The following TMEM63C variants were observed in gnomAD, a reference collection of about 807,000 sequenced individuals.
TMEM63C encodes the protein osmosensitive cation channel TMEM63C.
Under a neutral mutation model 99.2 loss-of-function variants are expected in TMEM63C, and 32 were observed. The ratio of observed to expected loss-of-function variants is 0.32; its 90% CI spans 0.24 to 0.43. TMEM63C has a LOEUF of 0.43. Ranked by LOEUF, TMEM63C falls within the 20% of genes least tolerant of loss-of-function variation. TMEM63C has a pLI of 1.00. For missense variants in TMEM63C, 826 were observed against 1,053.0 expected (o/e 0.78, Z 2.98); for synonymous variants, 376 against 397.9 (o/e 0.94, Z 0.66).
Position 77,248,462 on chromosome 14 carries a change from C to T in TMEM63C, c.1717C>T (p.Arg573Cys), listed in dbSNP as rs201638419. The T allele has an allele frequency of 2.5e-5, 40 of 1,593,714 alleles. No individual in the cohort carries two copies. The highest frequency in any genetic ancestry group is 2.1e-4 in the East Asian group (9 of 43,736). The change falls in exon 19 of 24, where the codon CGC becomes TGC. Residue 573 changes from arginine to cysteine, a missense_variant. Coordinates refer to ENST00000298351, the MANE Select transcript of TMEM63C (RefSeq NM_020431.4). ...RLGSLFCYSTRLFFSRSEPER... is the reference protein window; with the variant it reads ...RLGSLFCYSTCLFFSRSEPER... ...GGGGTCACTCTTCTGCTACAGCACC[C>T]GCCTCTTCTTCTCTAGATCAGAGCC... is the stretch of plus-strand genomic sequence containing the variant.
At chr14:77,183,675 A>G (rs1887949878) in intron 1 of TMEM63C, among the ~76,000 whole-genome samples, 2 of 152,178 alleles carry the variant, frequency 1.3e-5, no homozygotes, top group South Asian at 4.1e-4. Flanking sequence ...TGCCTGGCTC[A>G]TGAATTGCTC....
chr14:77,251,973 C>A, intron 22 of TMEM63C, 75 bp downstream of exon 22: 2 of 1,207,992 alleles, frequency 1.7e-6, no homozygotes, highest in South Asian at 2.4e-5. Context: ...CTCTCCAGGT[C>A]TGGGCTCCCA....
Position 77,219,507 on chromosome 14 carries a change from G to A in TMEM63C, c.160G>A (p.Val54Met), listed in dbSNP as rs1273433813. 1.2e-6 allele frequency: 2 copies of A among 1,613,954 alleles called. No homozygotes were observed. The highest frequency in any genetic ancestry group is 1.7e-6 in the Non-Finnish European group (2 of 1,179,890). ...LNIALWVLVL[V>M]VYSFLRKAAW... ...TTTTCCTGGCCTGTAGCTCGTCCTT[G>A]TGGTTTACTCCTTCCTCCGGAAAGC... is the stretch of plus-strand genomic sequence containing the variant. The change falls in exon 4 of 24, where the codon GTG becomes ATG. Residue 54 changes from valine to methionine, a missense_variant. By Grantham distance (21) the Val-to-Met change is conservative. Transcript: ENST00000298351.
At chr14:77,194,543 T>TTCTG (rs1555346141) in intron 1 of TMEM63C, among the ~76,000 whole-genome samples, 1 of 22,790 alleles carries the variant, frequency 4.4e-5, no homozygotes, top group South Asian at 2.0e-3. Flanking sequence ...CTTTCTTTCT[T>TTCTG]TCTTTCTTTC....
rs763300906 is a variant in TMEM63C, at chr14:77,218,886, T to C, written c.73T>C (p.Ser25Pro). 6.9e-5 allele frequency: 111 copies of C among 1,613,332 alleles called. No homozygotes were observed. Among genetic ancestry groups the C allele is most frequent in the Non-Finnish European group, 9.2e-5 (109 of 1,179,694 alleles). ...CATGACAGTGGATGAATGCTTCCAG[T>C]CTCGGAACACCGTCCTCCAGGGGCA... is the stretch of plus-strand genomic sequence containing the variant. ...QNMTVDECFQ[S>P]RNTVLQGQPF... Residue 25 changes from serine to proline, a missense_variant, in exon 3 of 24, where the codon TCT becomes CCT. Physicochemically the swap from Ser to Pro is moderately conservative, Grantham distance 74. Coordinates refer to ENST00000298351, the MANE Select transcript of TMEM63C (RefSeq NM_020431.4).
intron 20 of TMEM63C, 90 bp from the exon 21 acceptor site, chr14:77,249,201 A>C: frequency 7.3e-7 from 1 of 1,374,068 alleles, no homozygotes; most frequent in Non-Finnish European, 1.0e-6. Flanking sequence ...ACAGCCGTGG[A>C]TCTGGCTTCT....
intron 1 of TMEM63C, among the ~76,000 whole-genome samples, chr14:77,193,829 C>T (rs377107721): frequency 7.3e-6 from 1 of 137,306 alleles, no homozygotes; most frequent in African/African-American, 2.9e-5. Flanking sequence ...AGCGAAACTC[C>T]GTCTCAAAAA....
At chr14:77,224,243 C>T (rs1042100895) in intron 5 of TMEM63C, among the ~76,000 whole-genome samples, 3 of 151,924 alleles carry the variant, frequency 2.0e-5, no homozygotes, top group African/African-American at 4.8e-5. Context: ...AAGGAAGCAA[C>T]GAGGACAGGC....
At chr14:77,190,950 A>C (rs143432702) in intron 1 of TMEM63C, among the ~76,000 whole-genome samples, 10 of 152,324 alleles carry the variant, frequency 6.6e-5, no homozygotes, top group African/African-American at 2.2e-4. Flanking sequence ...AGACGGTAAG[A>C]TTGCCAACCT....
At position 77,249,425 on chromosome 14, in the gene TMEM63C, T is replaced by G; in HGVS notation, c.2005T>G (p.Phe669Val). The part of the protein sequence containing the change: ...QAIFAPLLGL[F>V]WMLFFSILRL... ...CATCTTTGCGCCACTCTTGGGTCTG[T>G]TCTGGATGCTGTTCTTCTCCATCCT... is the stretch of plus-strand genomic sequence containing the variant. Residue 669 changes from phenylalanine (F) to valine (V), a missense_variant, in exon 21 of 24, where the codon TTC (phenylalanine) becomes GTC (valine). Physicochemically the swap from Phe to Val is conservative, Grantham distance 50. Coordinates refer to ENST00000298351, the MANE Select transcript of TMEM63C (RefSeq NM_020431.4). 6.2e-7 allele frequency: 1 copy of G among 1,614,042 alleles called. No homozygotes were observed. Among genetic ancestry groups the G allele is most frequent in the Non-Finnish European group, 8.5e-7 (1 of 1,179,902 alleles).
intron 10 of TMEM63C, 60 bp from the exon 11 acceptor site, chr14:77,239,352 G>T (rs1889115376): frequency 1.3e-6 from 2 of 1,567,716 alleles, no homozygotes; most frequent in Non-Finnish European, 8.8e-7. Context: ...TGGGCAGGGG[G>T]TAGGGGCAGC....
At chr14:77,221,870 G>A (rs1478769315) in intron 5 of TMEM63C, among the ~76,000 whole-genome samples, 1 of 151,650 alleles carries the variant, frequency 6.6e-6, no homozygotes, top group African/African-American at 2.4e-5. Context: ...TCTTGCACAG[G>A]TGCTCTCCGT....
chr14:77,240,755 A>G (rs1222631687), intron 13 of TMEM63C, 147 bp downstream of exon 13: 1 of 1,070,316 alleles, frequency 9.3e-7, no homozygotes, highest in African/African-American at 1.6e-5. Flanking sequence ...TCTCCAGTGG[A>G]TGAGATGGCC....
In TMEM63C at chr14:77,239,237, A is replaced by G. The variant is rs80282491; in HGVS notation, c.726-175A>G. Among the ~76,000 whole-genome samples, 503 of 152,294 alleles carry G rather than the reference A, an allele frequency of 3.3e-3. 4 individuals are homozygous for G. The highest frequency in any genetic ancestry group is 0.011 in the African/African-American group (469 of 41,556). On this transcript the variant is annotated intron_variant, in intron 10 of 23. Transcript: ENST00000298351. ...GTAGGAAGGATTTGGCAGCTCTCAGATTGCCAAGGTTCAAACCCTGAGGTT... is the reference window on the plus strand; with the variant it reads ...GTAGGAAGGATTTGGCAGCTCTCAGGTTGCCAAGGTTCAAACCCTGAGGTT...
chr14:77,211,035 G>T (rs1306340720), intron 1 of TMEM63C, among the ~76,000 whole-genome samples: 5 of 152,202 alleles, frequency 3.3e-5, no homozygotes, highest in Non-Finnish European at 7.3e-5. Context: ...TGGGCCCTGG[G>T]CTGTGCTGGG....
intron 6 of TMEM63C, among the ~76,000 whole-genome samples, chr14:77,229,818 A>T (rs1434835835): frequency 2.6e-5 from 4 of 152,028 alleles, no homozygotes; most frequent in Non-Finnish European, 5.9e-5. Context: ...CTTCTTTTTC[A>T]TATTTTCCAA....
At chr14:77,203,207 G>C (rs923121156) in intron 1 of TMEM63C, among the ~76,000 whole-genome samples, 3 of 151,906 alleles carry the variant, frequency 2.0e-5, no homozygotes, top group African/African-American at 7.3e-5. Flanking sequence ...GTGAAACCCT[G>C]TCTCTACTAA....
chr14:77,231,781 C>G (rs1432420309), intron 7 of TMEM63C, 51 bp downstream of exon 7: 5 of 1,544,410 alleles, frequency 3.2e-6, no homozygotes, highest in Non-Finnish European at 4.4e-6. Context: ...TGAGAGGCAG[C>G]CAGGCAAGCC....
At chr14:77,246,073 G>T (rs1889264530) in intron 17 of TMEM63C, 47 bp downstream of exon 17, 2 of 1,443,564 alleles carry the variant, frequency 1.4e-6, no homozygotes, top group South Asian at 1.1e-5. Flanking sequence ...GGCTCTCTTA[G>T]AGTTAAGACC....
Sources: gnomAD v4.1 joint callset for allele counts (sites outside exome capture counted in the v4.1 genomes callset) on GRCh38, gnomAD v4.1.1 for gene constraint, MANE v1.5 for transcripts, NCBI Gene and HGNC (gene_info 2026-07-23, HGNC 2026-07-21) for gene names.